PIBF1: variants seen among roughly 807,000 people sequenced by gnomAD.
PIBF1 encodes progesterone immunomodulatory binding factor 1, also known as progesterone-induced-blocking factor 1.
In PIBF1, 90 loss-of-function variants were observed where a neutral mutation model predicts 112.5. That is an observed-to-expected ratio of 0.80 (90% CI 0.67 to 0.95). PIBF1 has a LOEUF of 0.95. PIBF1 is among the 40% of genes least tolerant of loss of function. The pLI, the probability that PIBF1 is intolerant of heterozygous loss-of-function variation, is 0.00. For synonymous variants in PIBF1, 301 were observed against 288.6 expected (o/e 1.04, Z -0.44); for missense variants, 915 against 852.3 (o/e 1.07, Z -0.92).
intron 10 of PIBF1, among the ~76,000 whole-genome samples, chr13:72,880,950 G>A (rs975593777): frequency 1.3e-5 from 2 of 152,132 alleles, no homozygotes; most frequent in African/African-American, 4.8e-5. Flanking sequence ...TCTAAAAAGA[G>A]AATAACTGCT....
intron 5 of PIBF1, among the ~76,000 whole-genome samples, chr13:72,808,504 CGGT>C (rs1457452808): frequency 6.6e-6 from 1 of 152,078 alleles, no homozygotes; most frequent in Non-Finnish European, 1.5e-5. Context: ...TACCTCTAAA[CGGT>C]GGTGATGTTC....
chr13:73,000,165 T>A (rs2043809830), intron 17 of PIBF1, among the ~76,000 whole-genome samples: 1 of 152,240 alleles, frequency 6.6e-6, no homozygotes, highest in African/African-American at 2.4e-5. Flanking sequence ...ACAAGGCGGC[T>A]GAGTCCATGC....
intron 9 of PIBF1, among the ~76,000 whole-genome samples, chr13:72,849,951 C>T (rs910449066): frequency 4.6e-5 from 7 of 152,184 alleles, no homozygotes; most frequent in South Asian, 2.1e-4. Context: ...GTGCTTAGGA[C>T]GGCTTCTGGC....
At chr13:72,886,057 G>C (rs903701932) in intron 10 of PIBF1, among the ~76,000 whole-genome samples, 1 of 151,994 alleles carries the variant, frequency 6.6e-6, no homozygotes, top group Admixed American at 6.6e-5. Flanking sequence ...TTTACAATAT[G>C]TATGTTAACC....
intron 10 of PIBF1, among the ~76,000 whole-genome samples, chr13:72,883,496 C>T (rs1364045102): frequency 6.6e-6 from 1 of 152,100 alleles, no homozygotes; most frequent in Non-Finnish European, 1.5e-5. Flanking sequence ...TATACTGGAT[C>T]AGTGATTGCT....
intron 15 of PIBF1, among the ~76,000 whole-genome samples, chr13:72,971,410 CAT>C (rs762137383): frequency 6.6e-6 from 1 of 152,086 alleles, no homozygotes; most frequent in Non-Finnish European, 1.5e-5. Flanking sequence ...GTTAGAGAAA[CAT>C]GTGATCCTTA....
intron 12 of PIBF1, among the ~76,000 whole-genome samples, chr13:72,909,173 A>G (rs1434430075): frequency 6.6e-6 from 1 of 152,204 alleles, no homozygotes; most frequent in African/African-American, 2.4e-5. Context: ...ATTGCAGTCA[A>G]AAAAGAAACA....
chr13:72,800,109 C>A (rs2035395616), intron 5 of PIBF1, among the ~76,000 whole-genome samples: 1 of 152,234 alleles, frequency 6.6e-6, no homozygotes, highest in East Asian at 1.9e-4. Flanking sequence ...CATGTCTGCT[C>A]ATTGCAACCT....
At chr13:72,916,699 A>G (rs1315419797) in intron 12 of PIBF1, among the ~76,000 whole-genome samples, 2 of 152,140 alleles carry the variant, frequency 1.3e-5, no homozygotes, top group Non-Finnish European at 2.9e-5. Context: ...TCCTAATTTA[A>G]AAATCATTTA....
chr13:72,960,177 G>T (rs2138891006), intron 14 of PIBF1, among the ~76,000 whole-genome samples: 1 of 152,308 alleles, frequency 6.6e-6, no homozygotes, highest in African/African-American at 2.4e-5. Context: ...ATTATCCAGA[G>T]TAAGGCGGTT....
At chr13:72,943,511 T>G (rs918554346) in intron 14 of PIBF1, among the ~76,000 whole-genome samples, 1 of 152,262 alleles carries the variant, frequency 6.6e-6, no homozygotes. Context: ...AAAAGTTCCC[T>G]ATCCAAAACT....
intron 17 of PIBF1, among the ~76,000 whole-genome samples, chr13:73,014,385 A>G (rs2044321415): frequency 6.6e-6 from 1 of 152,186 alleles, no homozygotes; most frequent in South Asian, 2.1e-4. Context: ...ACAAAACTAC[A>G]GACCAATATC....
chr13:72,868,726 G>A (rs1482782965), intron 10 of PIBF1, among the ~76,000 whole-genome samples: 1 of 149,654 alleles, frequency 6.7e-6, no homozygotes, highest in East Asian at 2.0e-4. Flanking sequence ...ATTCATTCCT[G>A]TAATCCCTAC....
chr13:72,990,913 G>C (rs774279957), intron 16 of PIBF1, among the ~76,000 whole-genome samples: 22 of 152,110 alleles, frequency 1.4e-4, no homozygotes, highest in Non-Finnish European at 2.9e-4. Context: ...AACAAGACTG[G>C]TTTTTACCTT....
At chr13:72,849,126 G>A (rs2138290185) in intron 9 of PIBF1, among the ~76,000 whole-genome samples, 1 of 152,222 alleles carries the variant, frequency 6.6e-6, no homozygotes, top group Non-Finnish European at 1.5e-5. Context: ...CCACAACATA[G>A]GGTGAATGGG....
chr13:72,899,621 A>G (rs1358034002), intron 11 of PIBF1, among the ~76,000 whole-genome samples: 1 of 152,198 alleles, frequency 6.6e-6, no homozygotes, highest in Non-Finnish European at 1.5e-5. Context: ...CATAAAAGCC[A>G]TCTATAACAG....
intron 14 of PIBF1, among the ~76,000 whole-genome samples, chr13:72,952,089 C>T (rs1339294170): frequency 1.7e-4 from 24 of 138,740 alleles, no homozygotes; most frequent in Non-Finnish European, 3.3e-4. Flanking sequence ...GTCTGGAGTG[C>T]GGTGACACAA....
chr13:72,818,796 A>G (rs1210016655), intron 5 of PIBF1, among the ~76,000 whole-genome samples: 1 of 149,860 alleles, frequency 6.7e-6, no homozygotes, highest in African/African-American at 2.5e-5. Context: ...ACTACTGGCA[A>G]AAATCACACA....
At chr13:72,846,911 G>A (rs745394099) in intron 9 of PIBF1, among the ~76,000 whole-genome samples, 10 of 152,088 alleles carry the variant, frequency 6.6e-5, no homozygotes, top group Non-Finnish European at 1.3e-4. Flanking sequence ...CTCAATATAC[G>A]TAATATTTAT....
Sources: allele counts gnomAD v4.1 joint callset (sites outside exome capture counted in the v4.1 genomes callset), GRCh38; gene constraint gnomAD v4.1.1; transcripts MANE v1.5; gene names NCBI Gene and HGNC (gene_info 2026-07-23, HGNC 2026-07-21).